LRCH1: variants seen among roughly 807,000 people sequenced by gnomAD.
The protein encoded by LRCH1 is leucine rich repeats and calponin homology domain containing 1, also known as leucine-rich repeat and calponin homology domain-containing protein 1.
LRCH1 carries 23 observed loss-of-function variants against 94.9 expected under a neutral mutation model. The observed-to-expected ratio is 0.24, with a 90% CI of 0.17 to 0.34. The LOEUF is 0.34. Among genes scored for constraint, LRCH1 ranks in the 10% least tolerant of loss-of-function variants. LRCH1 has a pLI of 1.00. For missense variants in LRCH1, 790 were observed against 945.9 expected (o/e 0.84, Z 2.16); for synonymous variants, 364 against 354.9 (o/e 1.03, Z -0.29).
At chr13:46,669,241 G>T in intron 3 of LRCH1, 85 bp downstream of exon 3, 1 of 1,508,316 alleles carries the variant, frequency 6.6e-7, no homozygotes, top group East Asian at 2.3e-5. Flanking sequence ...TTTTTGCTAC[G>T]GTTGGACAAG....
intron 2 of LRCH1, among the ~76,000 whole-genome samples, chr13:46,658,603 C>G (rs1482799589): frequency 6.6e-6 from 1 of 152,072 alleles, no homozygotes; most frequent in Admixed American, 6.6e-5. Context: ...CCTTAGCCTC[C>G]GCAGGAGCTG....
chr13:46,593,283 C>CTTTTTTTTTTT (rs34821427), intron 1 of LRCH1, among the ~76,000 whole-genome samples: 1 of 92,202 alleles, frequency 1.1e-5, no homozygotes, highest in East Asian at 3.5e-4. Flanking sequence ...TCTTTCTTTC[C>CTTTTTTTTTTT]TTTTTTTTTT....
intron 9 of LRCH1, among the ~76,000 whole-genome samples, chr13:46,696,923 C>G (rs9534468): frequency 0.14 from 21,145 of 152,056 alleles, 1,701 homozygotes; most frequent in African/African-American, 0.22. Context: ...CAAAAGCTAG[C>G]TGGGTGTGGT....
At chr13:46,681,916 T>G (rs1018987367) in intron 4 of LRCH1, 70 bp downstream of exon 4, 26 of 856,558 alleles carry the variant, frequency 3.0e-5, no homozygotes, top group Non-Finnish European at 4.6e-5. Context: ...GGGGTTTACT[T>G]TTGTGAAGAG....
intron 1 of LRCH1, among the ~76,000 whole-genome samples, chr13:46,590,251 C>T (rs547522807): frequency 6.6e-6 from 1 of 152,236 alleles, no homozygotes; most frequent in African/African-American, 2.4e-5. Flanking sequence ...AAGACATGAA[C>T]TAAAAGTTGA....
intron 1 of LRCH1, among the ~76,000 whole-genome samples, chr13:46,638,058 G>A (rs573435366): frequency 2.6e-4 from 40 of 152,240 alleles, no homozygotes; most frequent in African/African-American, 8.9e-4. Flanking sequence ...TGCTTCAAAC[G>A]ATATCTTTGA....
chr13:46,586,524 C>G (rs1055508808), intron 1 of LRCH1, among the ~76,000 whole-genome samples: 1 of 152,174 alleles, frequency 6.6e-6, no homozygotes, highest in Admixed American at 6.5e-5. Flanking sequence ...TCAAGGGATC[C>G]TCCCACCTCA....
In LRCH1 at chr13:46,743,820, A is replaced by G. The variant is rs1005835842; in HGVS notation, c.*1972A>G. 3.0e-6 allele frequency: 3 copies of G among 984,036 alleles called. No homozygotes were observed. Among genetic ancestry groups the G allele is most frequent in the Non-Finnish European group, 3.6e-6 (3 of 828,646 alleles). 61.0% of individuals were successfully genotyped at this position (984,036 alleles called of 1,614,324 possible). ...AGGACACTCATGTAAGAGTAGATTT[A>G]ATTTTCAGTGTTGATATAGTTCAAT... On this transcript the variant is annotated 3_prime_UTR_variant, in exon 20 of 20. Coordinates refer to ENST00000389797, the MANE Select transcript of LRCH1 (RefSeq NM_001164211.2).
chr13:46,597,880 C>T (rs952628445), intron 1 of LRCH1, among the ~76,000 whole-genome samples: 2 of 152,062 alleles, frequency 1.3e-5, no homozygotes, highest in Admixed American at 1.3e-4. Context: ...TGACCAGAGG[C>T]TTGCAGGAAC....
In LRCH1 at chr13:46,742,645, G is replaced by A. The variant is rs771515052; in HGVS notation, c.*797G>A. Reference sequence around the variant, plus strand: ...CTTCTCTTGAGGCTCTTAGAAAAGCGTTTTCCAGAGAGATTTCTATTTTTG... The same window carrying A: ...CTTCTCTTGAGGCTCTTAGAAAAGCATTTTCCAGAGAGATTTCTATTTTTG... On this transcript the variant is annotated 3_prime_UTR_variant, in exon 20 of 20. Coordinates refer to ENST00000389797, the MANE Select transcript of LRCH1 (RefSeq NM_001164211.2). The A allele has an allele frequency of 2.7e-5, 27 of 985,260 alleles. No homozygotes were observed. The highest frequency in any genetic ancestry group is 9.4e-5 in the South Asian group (2 of 21,282). The allele number at this position is 985,260 out of a possible 1,614,324, so 61.0% of individuals were successfully genotyped here.
chr13:46,741,950 G>T lies in LRCH1; in HGVS notation c.*102G>T. ...CCTTGCAAACTTCCATCCCTGTCAT[G>T]TCTTCAGTTATCTCTCGAGTTTTGA... On this transcript the variant is annotated 3_prime_UTR_variant, in exon 20 of 20. Coordinates refer to ENST00000389797, the MANE Select transcript of LRCH1 (RefSeq NM_001164211.2). The T allele has an allele frequency of 6.4e-7, 1 of 1,570,946 alleles. No individual in the cohort carries two copies.
downstream of LRCH1, among the ~76,000 whole-genome samples, chr13:46,746,681 G>A: frequency 6.6e-6 from 1 of 152,118 alleles, no homozygotes; most frequent in East Asian, 1.9e-4. Flanking sequence ...TATGAACAAG[G>A]GGCCTGCTGG....
rs540444993 is a variant in LRCH1, at chr13:46,567,015, A to G, written c.307+13312A>G. 1.2e-4 allele frequency among the ~76,000 whole-genome samples: 18 copies of G among 152,198 alleles called. 1 individual carries two copies. Among genetic ancestry groups the G allele is most frequent in the Non-Finnish European group, 2.2e-4 (15 of 68,032 alleles). ...CTGTTATTAAAAAATATAGACACACATTTGGGTTTTCAGCTTTGGTATAAA... is the reference window on the plus strand; with the variant it reads ...CTGTTATTAAAAAATATAGACACACGTTTGGGTTTTCAGCTTTGGTATAAA... On this transcript the variant is annotated intron_variant, in intron 1 of 19. Transcript: ENST00000389797.
intron 3 of LRCH1, chr13:46,679,913 G>C (rs2051728754): frequency 6.6e-6 from 1 of 152,314 alleles, no homozygotes; most frequent in Non-Finnish European, 1.5e-5. Flanking sequence ...ATGAGACCAG[G>C]TTAGAGGGCA....
At chr13:46,607,870 C>G (rs912072307) in intron 1 of LRCH1, among the ~76,000 whole-genome samples, 1 of 152,046 alleles carries the variant, frequency 6.6e-6, no homozygotes, top group South Asian at 2.1e-4. Flanking sequence ...AGCTTCAGCT[C>G]CTGGGAAGGA....
At chr13:46,729,896 G>C (rs1873015066) in intron 18 of LRCH1, among the ~76,000 whole-genome samples, 3 of 152,174 alleles carry the variant, frequency 2.0e-5, no homozygotes, top group Non-Finnish European at 4.4e-5. Flanking sequence ...GGGACGTAGT[G>C]GGGAGGAGAA....
chr13:46,693,044 T>A (rs1870989770), intron 8 of LRCH1, among the ~76,000 whole-genome samples: 1 of 150,980 alleles, frequency 6.6e-6, no homozygotes, highest in Non-Finnish European at 1.5e-5. Flanking sequence ...TGATCTTGGC[T>A]CACCGCAACC....
intron 16 of LRCH1, among the ~76,000 whole-genome samples, chr13:46,717,238 C>G (rs1226942993): frequency 6.6e-6 from 1 of 152,166 alleles, no homozygotes; most frequent in Non-Finnish European, 1.5e-5. Context: ...GCCGCATCTA[C>G]ATTCAGGCTG....
chr13:46,633,550 C>T (rs1461534022), intron 1 of LRCH1, among the ~76,000 whole-genome samples: 1 of 152,198 alleles, frequency 6.6e-6, no homozygotes, highest in Non-Finnish European at 1.5e-5. Context: ...TAGAGCCAAG[C>T]CTTCACGTTT....
Sources: gnomAD v4.1 joint callset for allele counts (sites outside exome capture counted in the v4.1 genomes callset) on GRCh38, gnomAD v4.1.1 for gene constraint, MANE v1.5 for transcripts, NCBI Gene and HGNC (gene_info 2026-07-23, HGNC 2026-07-21) for gene names.